TOM1L2: variants seen among roughly 807,000 people sequenced by gnomAD.
TOM1L2 encodes TOM1-like protein 2.
A neutral mutation model predicts 67.9 loss-of-function variants in TOM1L2; 31 were observed. The observed-to-expected ratio is 0.46, with a 90% CI of 0.34 to 0.62. The LOEUF (loss-of-function observed/expected upper bound fraction) is 0.62, where lower values mean the gene tolerates loss of function less well. TOM1L2 is among the 20% of genes least tolerant of loss of function. TOM1L2 has a pLI of 0.01. For synonymous variants in TOM1L2, 256 were observed against 254.0 expected (o/e 1.01, Z -0.07); for missense variants, 606 against 663.5 (o/e 0.91, Z 0.95).
Position 17,882,749 on chromosome 17 carries a change from G to A in TOM1L2, c.616C>T (p.Pro206Ser), listed in dbSNP as rs929538302. The A allele has an allele frequency of 4.3e-6, 7 of 1,614,110 alleles. No homozygotes were observed. The East Asian group carries it at 8.9e-5, about 21-fold the overall frequency. ...PPAPYSAPQA[P>S]ALSVTGPITA... is the part of the protein sequence containing the mutation. The stretch of plus-strand genomic sequence containing the variant: ...ATGGGGCCAGTCACACTCAGAGCTG[G>A]GGCCTGCGGTGCGGAGTAGGGAGCA... Residue 206 changes from proline to serine, a missense_variant, in exon 6 of 15, where the codon CCA becomes TCA. Pro to Ser is a moderately conservative substitution (Grantham distance 74). Transcript: ENST00000379504.
In TOM1L2 at chr17:17,945,292, T is replaced by A. The variant is rs11650651; in HGVS notation, c.52+26970A>T. 9.5e-3 allele frequency among the ~76,000 whole-genome samples: 1,367 copies of A among 143,392 alleles called. 32 individuals carry two copies. Among genetic ancestry groups the A allele is most frequent in the East Asian group, 0.09 (458 of 5,082 alleles). The allele number at this position is 143,392 out of a possible 152,430, so 94.1% of individuals were successfully genotyped here. ...TACACACACACACACACACACACACTCTCTCTCTCTCTCTCTCTCATTCCT... is the reference window on the plus strand; with the variant it reads ...TACACACACACACACACACACACACACTCTCTCTCTCTCTCTCTCATTCCT... On this transcript the variant is annotated intron_variant, in intron 1 of 14. Transcript: ENST00000379504.
chr17:17,914,277 C>T (rs2039533381), intron 1 of TOM1L2, among the ~76,000 whole-genome samples: 1 of 152,182 alleles, frequency 6.6e-6, no homozygotes, highest in Non-Finnish European at 1.5e-5. Context: ...CATAGGGTGA[C>T]AGGGCACACT....
intron 13 of TOM1L2, chr17:17,849,086 T>C: frequency 1.8e-6 from 1 of 569,700 alleles, no homozygotes; most frequent in Non-Finnish European, 3.1e-6. Flanking sequence ...AATTCAAACA[T>C]GTTTTAGGTT....
At chr17:17,887,410 T>C (rs2038053345) in intron 4 of TOM1L2, among the ~76,000 whole-genome samples, 1 of 152,202 alleles carries the variant, frequency 6.6e-6, no homozygotes, top group South Asian at 2.1e-4. Flanking sequence ...GTGTCTCCCA[T>C]TCATATGTGA....
intron 2 of TOM1L2, among the ~76,000 whole-genome samples, chr17:17,905,565 G>A (rs1301424329): frequency 6.6e-6 from 1 of 152,138 alleles, no homozygotes; most frequent in Non-Finnish European, 1.5e-5. Flanking sequence ...TAGAGACAGG[G>A]TCTTACTCTG....
At chr17:17,921,570 A>G (rs941921821) in intron 1 of TOM1L2, among the ~76,000 whole-genome samples, 3 of 152,152 alleles carry the variant, frequency 2.0e-5, no homozygotes, top group Non-Finnish European at 2.9e-5. Context: ...GGAGCCAGCC[A>G]GGCCCCAAGA....
At chr17:17,951,307 G>A (rs2041198376) in intron 1 of TOM1L2, among the ~76,000 whole-genome samples, 1 of 152,086 alleles carries the variant, frequency 6.6e-6, no homozygotes, top group Non-Finnish European at 1.5e-5. Context: ...AAGATTTAGA[G>A]GAAACAGAAT....
chr17:17,844,658 AG>A lies in TOM1L2; in HGVS notation c.*2976del, dbSNP rs2035551989. The A allele has an allele frequency of 6.6e-6, 1 of 152,270 alleles. No individual in the cohort carries two copies. Among genetic ancestry groups the A allele is most frequent in the Non-Finnish European group, 1.5e-5 (1 of 68,056 alleles). 9.4% of individuals were successfully genotyped at this position (152,270 alleles called of 1,614,324 possible). A position where few individuals can be genotyped will look rare whatever the true frequency, so the allele number is the denominator to read the frequency against. ...CTCAGTGCCTGGAGACTGCCCAGGC[AG>A]GGCTACTCTGCAGCAGGCAGGCCAA... On this transcript the variant is annotated 3_prime_UTR_variant, in exon 15 of 15. Coordinates refer to ENST00000379504, the MANE Select transcript of TOM1L2 (RefSeq NM_001082968.2).
At chr17:17,930,472 C>T (rs189907731) in intron 1 of TOM1L2, among the ~76,000 whole-genome samples, 12 of 152,288 alleles carry the variant, frequency 7.9e-5, no homozygotes, top group Non-Finnish European at 1.5e-4. Context: ...CCTCCTGACA[C>T]TTGGGGCTCC....
At position 17,844,435 on chromosome 17, in the gene TOM1L2, G is replaced by T. The variant is rs1475593783; in HGVS notation, c.*3200C>A. 6.6e-6 allele frequency: 1 copy of T among 152,322 alleles called. No individual in the cohort carries two copies. The allele number at this position is 152,322 out of a possible 1,614,324, so 9.4% of individuals were successfully genotyped here. A position where few individuals can be genotyped will look rare whatever the true frequency, so the allele number is the denominator to read the frequency against. On this transcript the variant is annotated 3_prime_UTR_variant, in exon 15 of 15. Coordinates refer to ENST00000379504, the MANE Select transcript of TOM1L2 (RefSeq NM_001082968.2). ...CCCAAGACCACCAGGTGGCATGGTG[G>T]GGTGGTGGGGGAAGGCTAGTGAACC...
At chr17:17,964,065 G>A (rs189090653) in intron 1 of TOM1L2, among the ~76,000 whole-genome samples, 7 of 152,316 alleles carry the variant, frequency 4.6e-5, no homozygotes, top group Admixed American at 2.6e-4. Flanking sequence ...TGTAGGAAGA[G>A]GTGAGGGCTG....
At chr17:17,883,506 G>A (rs974944487) in intron 5 of TOM1L2, among the ~76,000 whole-genome samples, 3 of 152,124 alleles carry the variant, frequency 2.0e-5, no homozygotes, top group African/African-American at 7.2e-5. Flanking sequence ...AGGACGAGGC[G>A]GGTGGATCAC....
chr17:17,886,662 T>C (rs1335383451), intron 4 of TOM1L2, among the ~76,000 whole-genome samples: 1 of 152,254 alleles, frequency 6.6e-6, no homozygotes, highest in African/African-American at 2.4e-5. Context: ...CCTTTGTACA[T>C]GGAGTACCAA....
rs944187962 is a variant in TOM1L2 at position 17,888,294 on chromosome 17, A to G, written c.367-3526T>C. ...TGAGGAGAAAAAAGGAAAGAGATCAATTCAGATCTCCTTCATTCCTTTGGA... is the reference window on the plus strand; with the variant it reads ...TGAGGAGAAAAAAGGAAAGAGATCAGTTCAGATCTCCTTCATTCCTTTGGA... On this transcript the variant is annotated intron_variant, in intron 4 of 14. Coordinates refer to ENST00000379504, the MANE Select transcript of TOM1L2 (RefSeq NM_001082968.2). Among the ~76,000 whole-genome samples, 4 of 152,198 alleles carry G rather than the reference A, an allele frequency of 2.6e-5. No homozygotes were observed. The East Asian group carries it at 5.8e-4, about 22-fold the overall frequency.
intron 7 of TOM1L2, among the ~76,000 whole-genome samples, chr17:17,875,936 CTT>C (rs750995209): frequency 6.6e-6 from 1 of 152,228 alleles, no homozygotes; most frequent in Non-Finnish European, 1.5e-5. Flanking sequence ...GCCGTTCTGT[CTT>C]TGTTGAAATG....
In TOM1L2 at chr17:17,847,305, T is replaced by G. The variant is rs1598160882; in HGVS notation, c.*330A>C. 1.9e-5 allele frequency: 6 copies of G among 309,710 alleles called. No homozygotes were observed. Among genetic ancestry groups the G allele is most frequent in the South Asian group, 4.6e-5 (1 of 21,914 alleles). 19.2% of individuals were successfully genotyped at this position (309,710 alleles called of 1,614,324 possible). On this transcript the variant is annotated 3_prime_UTR_variant, in exon 15 of 15. Coordinates refer to ENST00000379504, the MANE Select transcript of TOM1L2 (RefSeq NM_001082968.2). Reference sequence around the variant, plus strand: ...GGCGTGCTCTTTCTCCATGGGCGGGTGGAGGAAAGACAGTCCGGGTGGTCT... The same window carrying G: ...GGCGTGCTCTTTCTCCATGGGCGGGGGGAGGAAAGACAGTCCGGGTGGTCT...
chr17:17,969,496 A>G (rs1443054815), intron 1 of TOM1L2, among the ~76,000 whole-genome samples: 1 of 151,926 alleles, frequency 6.6e-6, no homozygotes, highest in East Asian at 1.9e-4. Context: ...TCACTTTGAC[A>G]CTTTGTCACA....
At chr17:17,862,554 T>G in intron 11 of TOM1L2, 177 bp downstream of exon 11, 2 of 600,070 alleles carry the variant, frequency 3.3e-6, no homozygotes, top group Non-Finnish European at 5.9e-6. Context: ...GGGGAGGAGG[T>G]GGGCAGTTGG....
rs925067911 is a variant in TOM1L2 at position 17,892,986 on chromosome 17, C to T, written c.366+675G>A. 1.2e-4 allele frequency among the ~76,000 whole-genome samples: 19 copies of T among 152,230 alleles called. 1 individual carries two copies. The highest frequency in any genetic ancestry group is 1.5e-4 in the Non-Finnish European group (10 of 68,050). ...GACAATGCAACCTCAAGAGAGACTC[C>T]AAGCCAGAATTGCCCAGCCACCTGC... On this transcript the variant is annotated intron_variant, in intron 4 of 14. Transcript: ENST00000379504.
Sources: gnomAD v4.1 joint callset for allele counts (sites outside exome capture counted in the v4.1 genomes callset) on GRCh38, gnomAD v4.1.1 for gene constraint, MANE v1.5 for transcripts, NCBI Gene and HGNC (gene_info 2026-07-23, HGNC 2026-07-21) for gene names.